The following HPCAL1 variants were observed in gnomAD, a reference collection of about 807,000 sequenced individuals.
HPCAL1 encodes hippocalcin like 1.
A neutral mutation model predicts 17.1 loss-of-function variants in HPCAL1; 8 were observed. The ratio of observed to expected loss-of-function variants is 0.47; its 90% CI spans 0.27 to 0.84. The LOEUF (loss-of-function observed/expected upper bound fraction) is 0.84, where lower values mean the gene tolerates loss of function less well. Among genes scored for constraint, HPCAL1 ranks in the 40% least tolerant of loss-of-function variants. HPCAL1 has a pLI of 0.13. For synonymous variants in HPCAL1, 112 were observed against 111.4 expected, an observed-to-expected ratio of 1.01 and a Z score of -0.03; for missense variants, 165 against 271.1, an observed-to-expected ratio of 0.61 and a Z score of 2.75.
chr2:10,382,647 G>A (rs1572769126), intron 1 of HPCAL1, among the ~76,000 whole-genome samples: 1 of 151,612 alleles, frequency 6.6e-6, no homozygotes, highest in Non-Finnish European at 1.5e-5. Context: ...CTGCGTGGAG[G>A]GCCACGCATC....
chr2:10,340,008 C>A (rs1434092377), intron 1 of HPCAL1, among the ~76,000 whole-genome samples: 1 of 152,218 alleles, frequency 6.6e-6, no homozygotes, highest in Non-Finnish European at 1.5e-5. Context: ...GGGATGAGTT[C>A]TTTCACTTGG....
intron 2 of HPCAL1, among the ~76,000 whole-genome samples, chr2:10,417,921 A>G (rs917968093): frequency 3.9e-5 from 6 of 152,014 alleles, no homozygotes; most frequent in African/African-American, 1.2e-4. Flanking sequence ...GTGTGCCCAT[A>G]GTCTCAGCTA....
intron 1 of HPCAL1, among the ~76,000 whole-genome samples, chr2:10,317,715 G>A (rs12992194): frequency 0.6 from 91,438 of 152,144 alleles, 27,912 homozygotes; most frequent in East Asian, 0.81. Flanking sequence ...ACCATGCTCG[G>A]CCTCAACAAT....
At chr2:10,413,753 C>T (rs1399900166) in intron 2 of HPCAL1, among the ~76,000 whole-genome samples, 2 of 152,212 alleles carry the variant, frequency 1.3e-5, no homozygotes, top group African/African-American at 2.4e-5. Context: ...CCAATGGGAT[C>T]GGTAAGAACA....
At chr2:10,416,137 C>T (rs1009395517) in intron 2 of HPCAL1, among the ~76,000 whole-genome samples, 1 of 152,222 alleles carries the variant, frequency 6.6e-6, no homozygotes. Context: ...CAGGGCTTAG[C>T]GGCAGTCAAG....
intron 1 of HPCAL1, among the ~76,000 whole-genome samples, chr2:10,378,212 G>A (rs2125530668): frequency 6.8e-6 from 1 of 146,674 alleles, no homozygotes. Flanking sequence ...AGTAGAGAAA[G>A]GTGGTTTCAT....
Position 10,335,942 on chromosome 2 carries a change from G to A in HPCAL1, c.-111+32765G>A, listed in dbSNP as rs373733160. ...TCTGCTGTAAATTAATTGCATGTTC[G>A]TATCCTCTGCTGTAAATTAATTGCA... On this transcript the variant is annotated intron_variant, in intron 1 of 4. Transcript: ENST00000307845. Among the ~76,000 whole-genome samples the A allele has an allele frequency of 1.6e-4, 19 of 118,862 alleles. No homozygotes were observed. The South Asian group carries it at 3.5e-3, about 22-fold the overall frequency. The allele number at this position is 118,862 out of a possible 152,430, so 78.0% of individuals were successfully genotyped here.
intron 1 of HPCAL1, among the ~76,000 whole-genome samples, chr2:10,338,612 T>C (rs1664868588): frequency 1.3e-5 from 2 of 152,110 alleles, no homozygotes; most frequent in African/African-American, 4.8e-5. Flanking sequence ...TGACCAGGTA[T>C]GTATGAAGTC....
intron 1 of HPCAL1, among the ~76,000 whole-genome samples, chr2:10,309,077 C>A (rs1332053058): frequency 6.6e-6 from 1 of 151,938 alleles, no homozygotes; most frequent in Non-Finnish European, 1.5e-5. Flanking sequence ...CTCTGTTGCC[C>A]AGGCTGGAGT....
At chr2:10,400,344 T>A (rs1008543192) in intron 2 of HPCAL1, among the ~76,000 whole-genome samples, 4 of 152,228 alleles carry the variant, frequency 2.6e-5, no homozygotes, top group Non-Finnish European at 5.9e-5. Flanking sequence ...TAAATAAGGA[T>A]GCCTCCTCCC....
chr2:10,333,295 G>C (rs1664503484), intron 1 of HPCAL1, among the ~76,000 whole-genome samples: 1 of 152,238 alleles, frequency 6.6e-6, no homozygotes, highest in Non-Finnish European at 1.5e-5. Context: ...GTTTGTGTCT[G>C]TCTTGGGGAA....
chr2:10,334,295 C>A (rs1350025557), intron 1 of HPCAL1, among the ~76,000 whole-genome samples: 3 of 151,514 alleles, frequency 2.0e-5, no homozygotes, highest in Non-Finnish European at 4.4e-5. Flanking sequence ...CCAGCCTGGG[C>A]AACATAGCAA....
At chr2:10,328,286 G>A (rs140275276) in intron 1 of HPCAL1, among the ~76,000 whole-genome samples, 2 of 152,260 alleles carry the variant, frequency 1.3e-5, no homozygotes, top group African/African-American at 4.8e-5. Context: ...GCGCTCAGAT[G>A]CATCTGAACC....
At chr2:10,376,486 A>G in intron 1 of HPCAL1, among the ~76,000 whole-genome samples, 1 of 151,790 alleles carries the variant, frequency 6.6e-6, no homozygotes, top group African/African-American at 2.4e-5. Context: ...CCCAAGCTGC[A>G]GTGCAGTGGC....
chr2:10,400,101 G>C (rs1381644446), intron 2 of HPCAL1, among the ~76,000 whole-genome samples: 2 of 152,220 alleles, frequency 1.3e-5, no homozygotes, highest in African/African-American at 4.8e-5. Flanking sequence ...CTGACCAAAG[G>C]CCTGCAGGAG....
chr2:10,406,585 G>T (rs774137575), intron 2 of HPCAL1, among the ~76,000 whole-genome samples: 1 of 152,218 alleles, frequency 6.6e-6, no homozygotes, highest in African/African-American at 2.4e-5. Context: ...CCCCAACTTC[G>T]CCTTCAAAGC....
At chr2:10,388,031 C>G (rs776567211) in intron 1 of HPCAL1, among the ~76,000 whole-genome samples, 64 of 152,192 alleles carry the variant, frequency 4.2e-4, no homozygotes, top group Non-Finnish European at 7.5e-4. Flanking sequence ...GCAGGCCCCC[C>G]ATGGGACCCT....
At chr2:10,327,870 A>G (rs1664112045) in intron 1 of HPCAL1, among the ~76,000 whole-genome samples, 1 of 152,252 alleles carries the variant, frequency 6.6e-6, no homozygotes, top group Non-Finnish European at 1.5e-5. Flanking sequence ...CTTACTGCAT[A>G]TACATTCATA....
At chr2:10,424,135 T>C (rs1229179451) in intron 4 of HPCAL1, 1 of 233,766 alleles carries the variant, frequency 4.3e-6, no homozygotes, top group Non-Finnish European at 8.7e-6. Context: ...TGCTGGGGAT[T>C]AAACGATAAG....
Sources: gnomAD v4.1 joint callset for allele counts (sites outside exome capture counted in the v4.1 genomes callset) on GRCh38, gnomAD v4.1.1 for gene constraint, MANE v1.5 for transcripts, NCBI Gene and HGNC (gene_info 2026-07-23, HGNC 2026-07-21) for gene names.